Variants in GPR158 observed in about 807,000 individuals in gnomAD.
GPR158 encodes the protein metabotropic glycine receptor.
In GPR158, 30 loss-of-function variants were observed where a neutral mutation model predicts 78.2. That is an observed-to-expected ratio of 0.38 (90% confidence interval 0.29 to 0.52). The LOEUF (loss-of-function observed/expected upper bound fraction) is 0.52. Ranked by LOEUF, GPR158 falls within the 20% of genes least tolerant of loss-of-function variation. The probability of loss-of-function intolerance (pLI) is 0.83; values close to 1 mark genes in which losing one functional copy is unlikely to be tolerated. For synonymous variants in GPR158, 581 were observed against 591.1 expected (o/e 0.98, Z 0.25); for missense variants, 1,463 against 1,523.5 (o/e 0.96, Z 0.66).
intron 2 of GPR158, among the ~76,000 whole-genome samples, chr10:25,345,644 G>T (rs1430990162): frequency 6.6e-6 from 1 of 151,898 alleles, no homozygotes; most frequent in African/African-American, 2.4e-5. Context: ...CTTGTTTTTT[G>T]AGGTTTTTAT....
intron 5 of GPR158, among the ~76,000 whole-genome samples, chr10:25,524,085 T>G (rs1360937684): frequency 6.6e-6 from 1 of 151,938 alleles, no homozygotes; most frequent in Non-Finnish European, 1.5e-5. Context: ...AGAAAAAGAA[T>G]AAAATATTTA....
chr10:25,218,980 A>G (rs780070931), intron 1 of GPR158, among the ~76,000 whole-genome samples: 11 of 152,168 alleles, frequency 7.2e-5, no homozygotes, highest in Non-Finnish European at 1.2e-4. Context: ...TTCAAAAACC[A>G]AGAACAATTC....
intron 2 of GPR158, among the ~76,000 whole-genome samples, chr10:25,264,495 CATA>C (rs1854014532): frequency 6.6e-6 from 1 of 152,048 alleles, no homozygotes; most frequent in African/African-American, 2.4e-5. Flanking sequence ...TCAGTCAAGC[CATA>C]ATATTACTCC....
At chr10:25,524,706 T>A (rs1472183446) in intron 5 of GPR158, among the ~76,000 whole-genome samples, 1 of 152,152 alleles carries the variant, frequency 6.6e-6, no homozygotes, top group Non-Finnish European at 1.5e-5. Context: ...TAGATATAAA[T>A]TTTTATGACC....
intron 2 of GPR158, among the ~76,000 whole-genome samples, chr10:25,371,355 G>A (rs534860446): frequency 3.3e-5 from 5 of 151,644 alleles, no homozygotes; most frequent in Middle Eastern, 3.4e-3. Context: ...GTCTTTTAGG[G>A]CAGGCCTGGT....
chr10:25,328,117 C>T (rs1855062645), intron 2 of GPR158, among the ~76,000 whole-genome samples: 1 of 152,130 alleles, frequency 6.6e-6, no homozygotes, highest in South Asian at 2.1e-4. Flanking sequence ...AGTTAATTTA[C>T]TTGGAATGTA....
At chr10:25,538,335 C>A (rs1482183426) in intron 5 of GPR158, among the ~76,000 whole-genome samples, 1 of 151,998 alleles carries the variant, frequency 6.6e-6, no homozygotes, top group Non-Finnish European at 1.5e-5. Context: ...AGGATATTTT[C>A]CCCATTAGCT....
intron 1 of GPR158, among the ~76,000 whole-genome samples, chr10:25,178,520 G>A (rs1852571388): frequency 6.6e-6 from 1 of 152,318 alleles, no homozygotes; most frequent in African/African-American, 2.4e-5. Context: ...AGAGTCTCAG[G>A]TTGAGAGGGC....
At chr10:25,597,020 CT>C (rs1837417412) in intron 10 of GPR158, among the ~76,000 whole-genome samples, 2 of 152,138 alleles carry the variant, frequency 1.3e-5, no homozygotes, top group African/African-American at 4.8e-5. Context: ...GCCATTTCAA[CT>C]TTTATAGTAA....
intron 2 of GPR158, among the ~76,000 whole-genome samples, chr10:25,262,803 A>G (rs561659672): frequency 2.6e-5 from 4 of 152,352 alleles, no homozygotes; most frequent in African/African-American, 9.6e-5. Flanking sequence ...GCAAAAGTAC[A>G]GTGATATGTA....
chr10:25,483,742 G>A (rs751424559), intron 5 of GPR158, among the ~76,000 whole-genome samples: 14 of 152,118 alleles, frequency 9.2e-5, no homozygotes, highest in Non-Finnish European at 1.5e-4. Context: ...AGATTAACAT[G>A]TGGAGTATGG....
At chr10:25,271,795 C>T (rs541298104) in intron 2 of GPR158, among the ~76,000 whole-genome samples, 28 of 145,290 alleles carry the variant, frequency 1.9e-4, no homozygotes, top group African/African-American at 4.5e-4. Context: ...CCGTGTATCA[C>T]GCTTGGCTAA....
intron 3 of GPR158, among the ~76,000 whole-genome samples, chr10:25,410,346 G>A (rs188940389): frequency 3.3e-5 from 5 of 152,120 alleles, no homozygotes; most frequent in South Asian, 2.1e-4. Context: ...AACCAGGTGC[G>A]GTGGCTCACA....
chr10:25,569,222 A>G (rs1218184455), intron 6 of GPR158, among the ~76,000 whole-genome samples: 2 of 152,168 alleles, frequency 1.3e-5, no homozygotes, highest in East Asian at 1.9e-4. Flanking sequence ...CTCAAGCTAT[A>G]CAATAAATAC....
chr10:25,341,974 G>A (rs1855309395), intron 2 of GPR158, among the ~76,000 whole-genome samples: 1 of 151,916 alleles, frequency 6.6e-6, no homozygotes, highest in Non-Finnish European at 1.5e-5. Flanking sequence ...AACTGGCTGG[G>A]ATTAATTGAC....
chr10:25,364,763 A>G (rs1389677004), intron 2 of GPR158, among the ~76,000 whole-genome samples: 1 of 151,850 alleles, frequency 6.6e-6, no homozygotes. Context: ...CTTCCCATTG[A>G]CAGATATTAG....
intron 4 of GPR158, among the ~76,000 whole-genome samples, chr10:25,414,462 G>C (rs1403366120): frequency 6.6e-6 from 1 of 152,084 alleles, no homozygotes; most frequent in Non-Finnish European, 1.5e-5. Context: ...CGAAGAATCA[G>C]TTTTTACAGA....
chr10:25,317,351 G>A (rs531655124), intron 2 of GPR158, among the ~76,000 whole-genome samples: 1 of 151,732 alleles, frequency 6.6e-6, no homozygotes, highest in Admixed American at 6.6e-5. Context: ...CCTGGCCTGT[G>A]GTTTTTTAAA....
chr10:25,396,707 G>T (rs1834367015), intron 3 of GPR158, among the ~76,000 whole-genome samples: 1 of 152,102 alleles, frequency 6.6e-6, no homozygotes. Flanking sequence ...TGCATTATCT[G>T]ACCTCTATAA....
Sources: gnomAD v4.1 joint callset for allele counts (sites outside exome capture counted in the v4.1 genomes callset) on GRCh38, gnomAD v4.1.1 for gene constraint, MANE v1.5 for transcripts, NCBI Gene and HGNC (gene_info 2026-07-23, HGNC 2026-07-21) for gene names.